Variants in MKLN1 observed in about 807,000 individuals in gnomAD.
The protein encoded by MKLN1 is muskelin.
A neutral mutation model predicts 99.0 loss-of-function variants in MKLN1; 18 were observed. The ratio of observed to expected loss-of-function variants is 0.18; its 90% CI spans 0.13 to 0.27. The LOEUF (loss-of-function observed/expected upper bound fraction) is 0.27. Ranked by LOEUF, MKLN1 falls within the 10% of genes least tolerant of loss-of-function variation. MKLN1 has a pLI of 1.00. For synonymous variants in MKLN1, 288 were observed against 293.2 expected, an observed-to-expected ratio of 0.98 and a Z score of 0.18; for missense variants, 621 against 875.9, an observed-to-expected ratio of 0.71 and a Z score of 3.67.
intron 1 of MKLN1, among the ~76,000 whole-genome samples, chr7:131,130,683 G>A (rs934072192): frequency 3.9e-5 from 6 of 152,206 alleles, no homozygotes; most frequent in Non-Finnish European, 4.4e-5. Flanking sequence ...GTATTATTCA[G>A]TATTATTAGT....
At chr7:131,413,608 C>T (rs1470262269) in intron 7 of MKLN1, among the ~76,000 whole-genome samples, 3 of 151,814 alleles carry the variant, frequency 2.0e-5, no homozygotes, top group East Asian at 3.9e-4. Context: ...GGTGCAAACT[C>T]GGTTCATTGC....
intron 1 of MKLN1, among the ~76,000 whole-genome samples, chr7:131,366,570 G>C (rs1487447223): frequency 1.3e-5 from 2 of 152,156 alleles, no homozygotes; most frequent in African/African-American, 4.8e-5. Flanking sequence ...CAGCACTTTG[G>C]GAGGCTGAGG....
chr7:131,210,317 G>C (rs1796881922), intron 3 of MKLN1, among the ~76,000 whole-genome samples: 1 of 152,096 alleles, frequency 6.6e-6, no homozygotes, highest in Admixed American at 6.5e-5. Context: ...GATTGCCTGA[G>C]CTCAGGAGTT....
At chr7:131,366,973 C>T (rs1800200448) in intron 1 of MKLN1, among the ~76,000 whole-genome samples, 1 of 152,068 alleles carries the variant, frequency 6.6e-6, no homozygotes, top group African/African-American at 2.4e-5. Flanking sequence ...TTGTTACTGA[C>T]ATTTAATTGG....
intron 1 of MKLN1, among the ~76,000 whole-genome samples, chr7:131,335,713 CA>C (rs921631336): frequency 1.4e-5 from 2 of 145,028 alleles, no homozygotes; most frequent in African/African-American, 5.1e-5. Context: ...TTTTTTTTAA[CA>C]AATGTATTGC....
At chr7:131,249,951 G>A (rs1797551900) in intron 3 of MKLN1, among the ~76,000 whole-genome samples, 1 of 152,150 alleles carries the variant, frequency 6.6e-6, no homozygotes, top group African/African-American at 2.4e-5. Flanking sequence ...AAGGAGAGGG[G>A]CAGGTCTGCC....
intron 1 of MKLN1, among the ~76,000 whole-genome samples, chr7:131,342,251 C>G (rs1245635355): frequency 6.6e-6 from 1 of 151,572 alleles, no homozygotes; most frequent in Non-Finnish European, 1.5e-5. Context: ...GGGATTAGAT[C>G]GCAAATTGCT....
At chr7:131,451,140 G>A (rs988978227) in intron 12 of MKLN1, among the ~76,000 whole-genome samples, 1 of 151,902 alleles carries the variant, frequency 6.6e-6, no homozygotes, top group African/African-American at 2.4e-5. Context: ...CTTTTAAGAA[G>A]GCAGAATACT....
chr7:131,415,116 GT>G (rs77006965), intron 8 of MKLN1, among the ~76,000 whole-genome samples: 24 of 144,442 alleles, frequency 1.7e-4, no homozygotes, highest in South Asian at 4.4e-4. Context: ...GTTTGGTTTT[GT>G]TTTTTTTTTT....
chr7:131,250,650 A>T (rs7791813), intron 3 of MKLN1, among the ~76,000 whole-genome samples: 16,705 of 152,158 alleles, frequency 0.11, 1,027 homozygotes, highest in African/African-American at 0.15. Context: ...TCAGAAAAGG[A>T]TGTTCAAAAC....
At chr7:131,425,396 C>G (rs1311762924) in intron 8 of MKLN1, among the ~76,000 whole-genome samples, 1 of 152,080 alleles carries the variant, frequency 6.6e-6, no homozygotes, top group African/African-American at 2.4e-5. Flanking sequence ...ATACTGTCTT[C>G]CCTCTTTTGA....
At chr7:131,122,587 T>C (rs756678228) in intron 1 of MKLN1, among the ~76,000 whole-genome samples, 13 of 152,144 alleles carry the variant, frequency 8.5e-5, no homozygotes, top group Non-Finnish European at 1.3e-4. Context: ...GCCACTACAG[T>C]TCTGTAATAC....
intron 3 of MKLN1, among the ~76,000 whole-genome samples, chr7:131,312,893 T>C (rs1798594284): frequency 1.3e-5 from 2 of 152,214 alleles, no homozygotes; most frequent in Non-Finnish European, 2.9e-5. Context: ...TCCAACTCCT[T>C]GCAGTAAAGC....
chr7:131,386,754 A>G (rs1794039874), intron 2 of MKLN1, among the ~76,000 whole-genome samples: 1 of 152,226 alleles, frequency 6.6e-6, no homozygotes. Flanking sequence ...TAGAGTCCAT[A>G]GAAATATGTA....
At chr7:131,435,106 T>C (rs1028933036) in intron 9 of MKLN1, among the ~76,000 whole-genome samples, 7 of 152,248 alleles carry the variant, frequency 4.6e-5, no homozygotes, top group African/African-American at 1.4e-4. Flanking sequence ...TTTTTACATA[T>C]GTATTGATGT....
In MKLN1 at chr7:131,493,748, G is replaced by A. The variant is rs1473157754; in HGVS notation, c.*6020G>A. ...TCCCTTGCTTATTCACTGAGTTTAA[G>A]CTCTTGCTGCAACATAGCTCTGTAC... On this transcript the variant is annotated 3_prime_UTR_variant, in exon 18 of 18. Coordinates refer to ENST00000352689, the MANE Select transcript of MKLN1 (RefSeq NM_013255.5). 2 of 152,214 alleles carry A rather than the reference G, an allele frequency of 1.3e-5. No homozygotes were observed. Among genetic ancestry groups the A allele is most frequent in the African/African-American group, 4.8e-5 (2 of 41,456 alleles). 9.4% of individuals were successfully genotyped at this position (152,214 alleles called of 1,614,324 possible). A position where few individuals can be genotyped will look rare whatever the true frequency, so the allele number is the denominator to read the frequency against.
At chr7:131,134,412 T>C (rs1434135386) in intron 1 of MKLN1, among the ~76,000 whole-genome samples, 1 of 152,138 alleles carries the variant, frequency 6.6e-6, no homozygotes, top group Non-Finnish European at 1.5e-5. Context: ...AGATATCCTA[T>C]TTATTACGAG....
In MKLN1 at chr7:131,432,627, T is replaced by C. The variant is rs1262161616; in HGVS notation, c.960+3482T>C. Among the ~76,000 whole-genome samples the C allele has an allele frequency of 2.0e-5, 3 of 152,312 alleles. No homozygotes were observed. The East Asian group carries it at 5.8e-4, about 29-fold the overall frequency. The stretch of plus-strand genomic sequence containing the variant: ...CACGCCTGGCTAATTTTTGTATTTT[T>C]AGTAGAGACAGGGTTTCATCATGTT... On this transcript the variant is annotated intron_variant, in intron 9 of 17. Transcript: ENST00000352689.
intron 5 of MKLN1, 137 bp downstream of exon 5, chr7:131,397,513 C>T (rs1318132106): frequency 1.8e-6 from 1 of 554,646 alleles, no homozygotes; most frequent in Non-Finnish European, 3.1e-6. Context: ...TAAGCACTTC[C>T]AGTCTGCCAG....
Sources: gnomAD v4.1 joint callset for allele counts (sites outside exome capture counted in the v4.1 genomes callset) on GRCh38, gnomAD v4.1.1 for gene constraint, MANE v1.5 for transcripts, NCBI Gene and HGNC (gene_info 2026-07-23, HGNC 2026-07-21) for gene names.